Variants in PREX1 observed in about 807,000 individuals in gnomAD.
PREX1 encodes phosphatidylinositol-3,4,5-trisphosphate dependent Rac exchange factor 1.
Under a neutral mutation model 198.3 loss-of-function variants are expected in PREX1, and 41 were observed. That is an observed-to-expected ratio of 0.21 (90% CI 0.16 to 0.27). The LOEUF (loss-of-function observed/expected upper bound fraction) is 0.27. Ranked by LOEUF, PREX1 falls within the 10% of genes least tolerant of loss-of-function variation. The pLI, the probability that PREX1 is intolerant of heterozygous loss-of-function variation, is 1.00. For synonymous variants in PREX1, 843 were observed against 887.2 expected (o/e 0.95, Z 0.89); for missense variants, 1,620 against 2,200.7 (o/e 0.74, Z 5.28).
At chr20:48,642,767 G>A (rs2089424161) in intron 27 of PREX1, 1 of 332,744 alleles carries the variant, frequency 3.0e-6, no homozygotes, top group Non-Finnish European at 5.5e-6. Flanking sequence ...CTGAGGAACA[G>A]AGAAAAGGAC....
chr20:48,805,577 C>G (rs562943333), intron 1 of PREX1, among the ~76,000 whole-genome samples: 1 of 152,198 alleles, frequency 6.6e-6, no homozygotes, highest in African/African-American at 2.4e-5. Context: ...AATTAGGGAG[C>G]CAGGAGGGGC....
intron 1 of PREX1, among the ~76,000 whole-genome samples, chr20:48,758,432 A>T (rs1202692653): frequency 6.6e-6 from 1 of 152,198 alleles, no homozygotes; most frequent in Non-Finnish European, 1.5e-5. Context: ...GTCGCAATGC[A>T]GCCTCAAAAA....
intron 1 of PREX1, among the ~76,000 whole-genome samples, chr20:48,818,726 C>A (rs2090469936): frequency 6.6e-6 from 1 of 152,194 alleles, no homozygotes; most frequent in Admixed American, 6.5e-5. Flanking sequence ...GGGTGGAGTA[C>A]CGATCCCGCC....
intron 1 of PREX1, among the ~76,000 whole-genome samples, chr20:48,806,687 A>C (rs560598014): frequency 6.6e-6 from 1 of 152,306 alleles, no homozygotes; most frequent in African/African-American, 2.4e-5. Flanking sequence ...AAGATAACAT[A>C]CCAGCGCCTC....
intron 7 of PREX1, among the ~76,000 whole-genome samples, chr20:48,698,739 C>G (rs895353313): frequency 7.9e-5 from 12 of 152,196 alleles, no homozygotes; most frequent in Non-Finnish European, 1.5e-4. Flanking sequence ...GTTTCAGAGC[C>G]TCCTGTGCAC....
In PREX1 at chr20:48,684,121, C is replaced by T. The variant is rs1448886049; in HGVS notation, c.1335-2786G>A. On this transcript the variant is annotated intron_variant, in intron 10 of 39. Coordinates refer to ENST00000371941, the MANE Select transcript of PREX1 (RefSeq NM_020820.4). This position sits in a 1 kb window ranked among gnomAD's most constrained non-coding sequence, Gnocchi z 4.2. ...AGAGTTAGGATGTGTCAGCTTTCAT[C>T]CCTCCTTCCTTCCCGCCTCCTAGAA... 7.7e-5 allele frequency among the ~76,000 whole-genome samples: 11 copies of T among 143,644 alleles called. No homozygotes were observed. Among genetic ancestry groups the T allele is most frequent in the Non-Finnish European group, 1.6e-5 (1 of 62,200 alleles). 94.2% of individuals were successfully genotyped at this position (143,644 alleles called of 152,430 possible). A position where few individuals can be genotyped will look rare whatever the true frequency, so the allele number is the denominator to read the frequency against.
chr20:48,776,249 T>C (rs2090261051), intron 1 of PREX1, among the ~76,000 whole-genome samples: 1 of 151,756 alleles, frequency 6.6e-6, no homozygotes, highest in Non-Finnish European at 1.5e-5. Flanking sequence ...GAAGCTAGAG[T>C]CCGGGTCATC....
chr20:48,668,523 A>G (rs1230701589), intron 14 of PREX1, among the ~76,000 whole-genome samples: 12 of 152,316 alleles, frequency 7.9e-5, no homozygotes, highest in Admixed American at 7.8e-4. Flanking sequence ...GCCTCCCAGA[A>G]TGAGGAGCCC....
At chr20:48,795,306 C>A (rs2090356721) in intron 1 of PREX1, among the ~76,000 whole-genome samples, 1 of 152,156 alleles carries the variant, frequency 6.6e-6, no homozygotes, top group South Asian at 2.1e-4. Flanking sequence ...AATGGGAATA[C>A]AATGATGATG....
chr20:48,768,459 C>T (rs1220302122), intron 1 of PREX1, among the ~76,000 whole-genome samples: 1 of 152,168 alleles, frequency 6.6e-6, no homozygotes, highest in Non-Finnish European at 1.5e-5. Flanking sequence ...TCTACGAAGT[C>T]CCAAAACTGG....
At chr20:48,641,183 A>C (rs1784879849) in intron 29 of PREX1, among the ~76,000 whole-genome samples, 1 of 152,190 alleles carries the variant, frequency 6.6e-6, no homozygotes, top group Non-Finnish European at 1.5e-5. Context: ...CAATCATTTC[A>C]AGAAGAAAGC....
chr20:48,754,293 G>C (rs2090147115), intron 1 of PREX1, among the ~76,000 whole-genome samples: 1 of 152,208 alleles, frequency 6.6e-6, no homozygotes, highest in African/African-American at 2.4e-5. Flanking sequence ...CTAAGGCCCA[G>C]CGCAGTAAAG....
chr20:48,779,638 A>AT (rs34140710), intron 1 of PREX1, among the ~76,000 whole-genome samples: 94,033 of 151,642 alleles, frequency 0.62, 29,816 homozygotes, highest in African/African-American at 0.76. Flanking sequence ...ACTGTGGTAT[A>AT]TCCAAACAAG....
intron 1 of PREX1, among the ~76,000 whole-genome samples, chr20:48,795,000 G>A (rs2090354744): frequency 1.3e-5 from 2 of 152,180 alleles, no homozygotes; most frequent in Admixed American, 1.3e-4. Context: ...ATTGCAAAAT[G>A]TCACCAAAAG....
At chr20:48,779,354 G>A (rs2090278115) in intron 1 of PREX1, among the ~76,000 whole-genome samples, 1 of 152,184 alleles carries the variant, frequency 6.6e-6, no homozygotes, top group African/African-American at 2.4e-5. Context: ...GTGCTGATGA[G>A]GATGTGGAAC....
chr20:48,628,060 A>G (rs6095217), intron 37 of PREX1, 97 bp from the exon 38 acceptor site: 319,327 of 838,120 alleles, frequency 0.38, 65,266 homozygotes, highest in South Asian at 0.51. Flanking sequence ...GAGCTGGGGC[A>G]ACTTCCTGTC....
At chr20:48,756,052 G>C (rs1269469655) in intron 1 of PREX1, among the ~76,000 whole-genome samples, 1 of 152,176 alleles carries the variant, frequency 6.6e-6, no homozygotes, top group Non-Finnish European at 1.5e-5. Flanking sequence ...AGGGAAGGCA[G>C]TGCCCGCCAG....
chr20:48,630,896 GC>G, intron 35 of PREX1, 102 bp from the exon 36 acceptor site: 2 of 848,478 alleles, frequency 2.4e-6, no homozygotes, highest in African/African-American at 1.7e-5. Context: ...TCCGCCCTCT[GC>G]CGACTCTCAG....
chr20:48,802,737 TAGTC>T (rs1195133372), intron 1 of PREX1, among the ~76,000 whole-genome samples: 1 of 152,238 alleles, frequency 6.6e-6, no homozygotes, highest in African/African-American at 2.4e-5. Context: ...AGTAGGACCT[TAGTC>T]AGTATCTGCT....
Sources: allele counts gnomAD v4.1 joint callset (sites outside exome capture counted in the v4.1 genomes callset), GRCh38; gene constraint gnomAD v4.1.1; non-coding constraint Gnocchi (gnomAD v3.1); transcripts MANE v1.5; gene names NCBI Gene and HGNC (gene_info 2026-07-23, HGNC 2026-07-21).